Variants in PRKN observed in about 807,000 individuals in gnomAD.
PRKN encodes parkin RBR E3 ubiquitin protein ligase.
Under a neutral mutation model 59.5 loss-of-function variants are expected in PRKN, and 56 were observed. The ratio of observed to expected loss-of-function variants is 0.94; its 90% CI spans 0.76 to 1.18. PRKN has a LOEUF of 1.18. PRKN is among the 50% of genes most tolerant of loss of function. PRKN has a pLI of 0.00. For missense variants in PRKN, 657 were observed against 596.4 expected, an observed-to-expected ratio of 1.10 and a Z score of -1.06; for synonymous variants, 250 against 222.1, an observed-to-expected ratio of 1.13 and a Z score of -1.12.
chr6:162,155,578 T>G (rs530420091), intron 4 of PRKN, among the ~76,000 whole-genome samples: 1 of 151,982 alleles, frequency 6.6e-6, no homozygotes, highest in East Asian at 1.9e-4. Context: ...AAGCATAATA[T>G]CATAGTTTTA....
At chr6:162,307,032 A>G (rs1782261170) in intron 2 of PRKN, among the ~76,000 whole-genome samples, 1 of 152,152 alleles carries the variant, frequency 6.6e-6, no homozygotes, top group South Asian at 2.1e-4. Context: ...CTGTGGGCCA[A>G]TCCCCACCCA....
intron 7 of PRKN, among the ~76,000 whole-genome samples, chr6:161,749,732 G>A (rs911095932): frequency 1.3e-5 from 2 of 152,012 alleles, no homozygotes; most frequent in African/African-American, 2.4e-5. Flanking sequence ...TCGGCCTCGG[G>A]GCTGACATGG....
At chr6:161,727,193 G>C (rs935559180) in intron 7 of PRKN, among the ~76,000 whole-genome samples, 5 of 152,082 alleles carry the variant, frequency 3.3e-5, no homozygotes, top group African/African-American at 1.2e-4. Context: ...CTATTTTCTT[G>C]TCCTGGACAA....
At chr6:162,363,127 CAAACAAAAAA>C (rs1785235107) in intron 2 of PRKN, among the ~76,000 whole-genome samples, 3 of 38,858 alleles carry the variant, frequency 7.7e-5, no homozygotes, top group Admixed American at 7.1e-4. Flanking sequence ...GACTCCTTCT[CAAACAAAAAA>C]AAAAAAAAAA....
chr6:161,916,723 G>A (rs1038744025), intron 6 of PRKN, among the ~76,000 whole-genome samples: 3 of 152,014 alleles, frequency 2.0e-5, no homozygotes, highest in Admixed American at 6.6e-5. Context: ...ACCCGGTTCC[G>A]TTCCTTACTC....
At chr6:162,685,285 C>A (rs966517310) in intron 1 of PRKN, among the ~76,000 whole-genome samples, 21 of 152,102 alleles carry the variant, frequency 1.4e-4, no homozygotes, top group African/African-American at 4.8e-4. Context: ...TGAAGACTCT[C>A]CTGAGTACAT....
chr6:161,764,039 GT>G lies in PRKN; in HGVS notation c.871+21732del, dbSNP rs373668650. The stretch of plus-strand genomic sequence containing the variant: ...GACTTCCAGGACTGCATCCTCCAGG[GT>G]GGGCTTGCTGGGCCCTGCCCATTTG... On this transcript the variant is annotated intron_variant, in intron 7 of 11. Coordinates refer to ENST00000366898, the MANE Select transcript of PRKN (RefSeq NM_004562.3). Among the ~76,000 whole-genome samples the G allele has an allele frequency of 3.2e-4, 49 of 152,154 alleles. 1 individual carries two copies. The South Asian group carries it at 1.0e-2, about 31-fold the overall frequency.
rs1554251159 is a variant in PRKN at position 161,352,769 on chromosome 6, A to ATTTTTT, written c.1286-2559_1286-2558insAAAAAA. ...TGTGTGTGTGTGTATATATATATAT[A>ATTTTTT]TATTTTATTTTATTTTATTTTATTT... On this transcript the variant is annotated intron_variant, in intron 11 of 11. Coordinates refer to ENST00000366898, the MANE Select transcript of PRKN (RefSeq NM_004562.3). This position sits in a 1 kb window ranked among gnomAD's most constrained non-coding sequence, Gnocchi z 5.8. Among the ~76,000 whole-genome samples, 13 of 119,448 alleles carry ATTTTTT rather than the reference A, an allele frequency of 1.1e-4. No homozygotes were observed. The highest frequency in any genetic ancestry group is 3.8e-4 in the African/African-American group (13 of 34,328). The allele number at this position is 119,448 out of a possible 152,430, so 78.4% of individuals were successfully genotyped here.
chr6:161,799,422 C>T (rs999314243), intron 6 of PRKN, among the ~76,000 whole-genome samples: 2 of 152,310 alleles, frequency 1.3e-5, no homozygotes, highest in Non-Finnish European at 1.5e-5. Flanking sequence ...CATTCAACTG[C>T]TGTCAAAAGC....
intron 6 of PRKN, among the ~76,000 whole-genome samples, chr6:161,935,554 C>CAAAAAA (rs773798640): frequency 2.4e-5 from 2 of 82,636 alleles, no homozygotes; most frequent in Non-Finnish European, 2.5e-5. Flanking sequence ...ACCTTGTTTC[C>CAAAAAA]AAAAAAAAAA....
At position 161,460,096 on chromosome 6, in the gene PRKN, G is replaced by C. The variant is rs1262671355; in HGVS notation, c.1084-73219C>G. On this transcript the variant is annotated intron_variant, in intron 9 of 11. Transcript: ENST00000366898. The surrounding 1 kb of genome is among the most constrained non-coding windows in gnomAD (Gnocchi z 5.0). ...GTGAAGCAGGCATGGTGCAGGAATA[G>C]TACGAACAAATATAAACAGCAATTG... is the stretch of plus-strand genomic sequence containing the variant. Among the ~76,000 whole-genome samples the C allele has an allele frequency of 1.3e-5, 2 of 152,318 alleles. No homozygotes were observed. Among genetic ancestry groups the C allele is most frequent in the African/African-American group, 4.8e-5 (2 of 41,558 alleles).
chr6:161,821,333 C>A (rs2128216220), intron 6 of PRKN, among the ~76,000 whole-genome samples: 1 of 152,182 alleles, frequency 6.6e-6, no homozygotes, highest in Non-Finnish European at 1.5e-5. Flanking sequence ...GCATATCGAT[C>A]CATCTTGGAG....
chr6:161,449,337 C>A (rs953079029), intron 9 of PRKN, among the ~76,000 whole-genome samples: 2 of 151,970 alleles, frequency 1.3e-5, no homozygotes, highest in Non-Finnish European at 2.9e-5. Flanking sequence ...GAAAAACAAA[C>A]AAAGAAACAT....
At chr6:162,578,595 A>G (rs1780656057) in intron 1 of PRKN, among the ~76,000 whole-genome samples, 1 of 152,182 alleles carries the variant, frequency 6.6e-6, no homozygotes, top group African/African-American at 2.4e-5. Context: ...GAAAAGAGGG[A>G]AGTCAGTGTT....
At chr6:162,183,417 A>C (rs1460231588) in intron 4 of PRKN, among the ~76,000 whole-genome samples, 1 of 152,052 alleles carries the variant, frequency 6.6e-6, no homozygotes, top group Non-Finnish European at 1.5e-5. Context: ...CTCCTTGCTG[A>C]CCCACTCTGA....
chr6:162,298,058 C>T (rs1017804408), intron 2 of PRKN, among the ~76,000 whole-genome samples: 1 of 152,122 alleles, frequency 6.6e-6, no homozygotes, highest in African/African-American at 2.4e-5. Context: ...CTGTTCTGTG[C>T]CCTCAGAGGT....
intron 1 of PRKN, among the ~76,000 whole-genome samples, chr6:162,689,612 T>C (rs1777695317): frequency 1.3e-5 from 2 of 152,366 alleles, no homozygotes; most frequent in South Asian, 4.1e-4. Context: ...ACAGTATTTA[T>C]TTATCAAGGA....
chr6:161,594,389 G>C (rs1372857295), intron 7 of PRKN, among the ~76,000 whole-genome samples: 2 of 152,216 alleles, frequency 1.3e-5, no homozygotes, highest in African/African-American at 2.4e-5. Flanking sequence ...CTGTGGGCAA[G>C]ATGGGAGAAG....
intron 7 of PRKN, among the ~76,000 whole-genome samples, chr6:161,618,121 A>G (rs1163326638): frequency 1.3e-5 from 2 of 152,154 alleles, no homozygotes; most frequent in Admixed American, 1.3e-4. Flanking sequence ...GTTACTTTGG[A>G]TTTACTACAC....
Sources: gnomAD v4.1 joint callset for allele counts (sites outside exome capture counted in the v4.1 genomes callset) on GRCh38, gnomAD v4.1.1 for gene constraint, Gnocchi (gnomAD v3.1) non-coding constraint, MANE v1.5 for transcripts, NCBI Gene and HGNC (gene_info 2026-07-23, HGNC 2026-07-21) for gene names.